Variants in CDK13 observed in about 807,000 individuals in gnomAD.
CDK13 encodes the protein cyclin-dependent kinase 13.
CDK13 carries 40 observed loss-of-function variants against 137.6 expected under a neutral mutation model. That is an observed-to-expected ratio of 0.29 (90% CI 0.23 to 0.38). The LOEUF (loss-of-function observed/expected upper bound fraction) is 0.38. CDK13 is among the 10% of genes least tolerant of loss of function. The pLI, the probability that CDK13 is intolerant of heterozygous loss-of-function variation, is 1.00. For missense variants in CDK13, 1,704 were observed against 1,951.8 expected (o/e 0.87, Z 2.39); for synonymous variants, 869 against 760.1 (o/e 1.14, Z -2.36).
intron 5 of CDK13, 123 bp downstream of exon 5, chr7:40,002,154 A>G: frequency 1.6e-6 from 1 of 612,064 alleles, no homozygotes. Flanking sequence ...TCGTGAAACT[A>G]TATTTTTAAG....
intron 1 of CDK13, chr7:39,986,229 G>A (rs1784335481): frequency 6.6e-6 from 1 of 152,190 alleles, no homozygotes; most frequent in Non-Finnish European, 1.5e-5. Context: ...GAGATAATGT[G>A]AAAGTACTAT....
intron 1 of CDK13, among the ~76,000 whole-genome samples, chr7:39,960,181 G>A (rs769200267): frequency 6.7e-6 from 1 of 148,206 alleles, no homozygotes. Flanking sequence ...CCTGTTCTCT[G>A]CATTCAGATT....
intron 1 of CDK13, among the ~76,000 whole-genome samples, chr7:39,979,077 ATG>A (rs776979708): frequency 2.0e-5 from 3 of 152,140 alleles, no homozygotes; most frequent in Non-Finnish European, 4.4e-5. Flanking sequence ...GAGGAGGAAA[ATG>A]AGTGAATTTG....
intron 5 of CDK13, among the ~76,000 whole-genome samples, chr7:40,041,208 C>A (rs1272328363): frequency 6.6e-6 from 1 of 152,078 alleles, no homozygotes; most frequent in Admixed American, 6.6e-5. Flanking sequence ...CACCAGTAAT[C>A]CCAGCTGCTT....
intron 1 of CDK13, among the ~76,000 whole-genome samples, chr7:39,982,341 GAAC>G (rs1205764915): frequency 6.6e-6 from 1 of 152,068 alleles, no homozygotes; most frequent in Non-Finnish European, 1.5e-5. Flanking sequence ...CAAAGGACAT[GAAC>G]TCATCATTTT....
chr7:40,002,890 G>A (rs1424088275), intron 5 of CDK13, among the ~76,000 whole-genome samples: 13 of 129,730 alleles, frequency 1.0e-4, no homozygotes, highest in African/African-American at 3.9e-4. Context: ...CATAACGAGA[G>A]CCCATCTCTA....
At chr7:39,954,225 A>G (rs1168300171) in intron 1 of CDK13, among the ~76,000 whole-genome samples, 2 of 152,194 alleles carry the variant, frequency 1.3e-5, no homozygotes, top group Non-Finnish European at 2.9e-5. Flanking sequence ...CATTATATCT[A>G]GTTTGTCAAA....
At chr7:40,084,063 G>A (rs1475379541) in intron 11 of CDK13, among the ~76,000 whole-genome samples, 1 of 152,176 alleles carries the variant, frequency 6.6e-6, no homozygotes, top group Non-Finnish European at 1.5e-5. Context: ...AATAGGCTGG[G>A]CACGGTGGCA....
intron 7 of CDK13, 108 bp from the exon 8 acceptor site, chr7:40,062,718 T>C: frequency 1.3e-6 from 1 of 792,518 alleles, no homozygotes; most frequent in Non-Finnish European, 2.1e-6. Flanking sequence ...GATGAAAGTG[T>C]TTTTAGTTAG....
intron 2 of CDK13, among the ~76,000 whole-genome samples, chr7:39,996,614 A>G (rs1766202595): frequency 6.6e-6 from 1 of 152,170 alleles, no homozygotes. Flanking sequence ...GCTTGTGGTT[A>G]TTTAAATGGG....
intron 5 of CDK13, among the ~76,000 whole-genome samples, chr7:40,040,794 G>A (rs2150511678): frequency 6.6e-6 from 1 of 152,160 alleles, no homozygotes; most frequent in Non-Finnish European, 1.5e-5. Flanking sequence ...ACTATTATAT[G>A]TAATATTCTA....
intron 5 of CDK13, among the ~76,000 whole-genome samples, chr7:40,008,251 A>G (rs1482216709): frequency 3.3e-5 from 5 of 152,344 alleles, no homozygotes; most frequent in South Asian, 2.1e-4. Flanking sequence ...CATAAAATCA[A>G]AAGTTTAGTT....
intron 5 of CDK13, among the ~76,000 whole-genome samples, chr7:40,008,010 T>C (rs1429150061): frequency 6.6e-6 from 1 of 152,204 alleles, no homozygotes. Flanking sequence ...TCGGCATATC[T>C]CCTAAAGAAT....
intron 5 of CDK13, among the ~76,000 whole-genome samples, chr7:40,039,652 G>A (rs1049487614): frequency 1.3e-5 from 2 of 151,622 alleles, no homozygotes; most frequent in Non-Finnish European, 1.5e-5. Context: ...GGCTGGTCTC[G>A]AACTCCTGAC....
intron 5 of CDK13, among the ~76,000 whole-genome samples, chr7:40,007,554 T>G (rs747293520): frequency 1.3e-5 from 2 of 152,154 alleles, no homozygotes; most frequent in Admixed American, 6.5e-5. Context: ...AGCCCCTGAA[T>G]AGCTGGGATT....
At chr7:39,976,551 T>G (rs1784115973) in intron 1 of CDK13, among the ~76,000 whole-genome samples, 1 of 151,922 alleles carries the variant, frequency 6.6e-6, no homozygotes, top group Non-Finnish European at 1.5e-5. Context: ...AGGGTTAGTG[T>G]GGTATACAGT....
At chr7:39,976,049 G>C (rs951409419) in intron 1 of CDK13, among the ~76,000 whole-genome samples, 1 of 152,080 alleles carries the variant, frequency 6.6e-6, no homozygotes, top group African/African-American at 2.4e-5. Context: ...TGTACTCCCA[G>C]CACTTTGGGA....
At chr7:40,026,599 A>G (rs544091474) in intron 5 of CDK13, among the ~76,000 whole-genome samples, 1 of 152,340 alleles carries the variant, frequency 6.6e-6, no homozygotes, top group East Asian at 1.9e-4. Context: ...ATAAATAACC[A>G]TAAAATTTAT....
In CDK13 at chr7:40,055,597, CAG is replaced by C. The variant is rs932296857; in HGVS notation, c.2601-7226_2601-7225del. ...ATTTTTTTTTTTTTTTTTTTTGAGACAGAGTCTTTCTTGCTCTGTCAACCAGG... is the reference window on the plus strand; with the variant it reads ...ATTTTTTTTTTTTTTTTTTTTGAGACAGTCTTTCTTGCTCTGTCAACCAGG... On this transcript the variant is annotated intron_variant, in intron 7 of 13. Coordinates refer to ENST00000181839, the MANE Select transcript of CDK13 (RefSeq NM_003718.5). 4.1e-4 allele frequency among the ~76,000 whole-genome samples: 53 copies of C among 130,558 alleles called. 1 individual carries two copies. The South Asian group carries it at 0.013, about 33-fold the overall frequency. The allele number at this position is 130,558 out of a possible 152,430, so 85.7% of individuals were successfully genotyped here.
Sources: gnomAD v4.1 joint callset for allele counts (sites outside exome capture counted in the v4.1 genomes callset) on GRCh38, gnomAD v4.1.1 for gene constraint, MANE v1.5 for transcripts, NCBI Gene and HGNC (gene_info 2026-07-23, HGNC 2026-07-21) for gene names.